The following BNC2 variants were observed in gnomAD, a reference collection of about 807,000 sequenced individuals.
BNC2 encodes the protein basonuclin zinc finger protein 2, also known as zinc finger protein basonuclin-2.
BNC2 carries 20 observed loss-of-function variants against 76.3 expected under a neutral mutation model. The observed-to-expected ratio is 0.26, with a 90% CI of 0.18 to 0.38. The LOEUF (loss-of-function observed/expected upper bound fraction) is 0.38. Among genes scored for constraint, BNC2 ranks in the 10% least tolerant of loss-of-function variants. The pLI is 1.00. For missense variants in BNC2, 1,382 were observed against 1,399.8 expected, an observed-to-expected ratio of 0.99 and a Z score of 0.20; for synonymous variants, 582 against 514.8, an observed-to-expected ratio of 1.13 and a Z score of -1.77.
rs767541239 is a variant in BNC2, at chr9:16,414,613, G to A, written c.*4376C>T. Reference sequence around the variant, plus strand: ...GTTTCTTGATGATAGCAGATGTAGCGTGTCTTATGACAGGTGAATTTTATT... The same window carrying A: ...GTTTCTTGATGATAGCAGATGTAGCATGTCTTATGACAGGTGAATTTTATT... On this transcript the variant is annotated 3_prime_UTR_variant, in exon 7 of 7. Coordinates refer to ENST00000380672, the MANE Select transcript of BNC2 (RefSeq NM_017637.6). 6 of 152,218 alleles carry A rather than the reference G, an allele frequency of 3.9e-5. No individual in the cohort carries two copies. The highest frequency in any genetic ancestry group is 2.6e-4 in the Admixed American group (4 of 15,280). The allele number at this position is 152,218 out of a possible 1,614,324, so 9.4% of individuals were successfully genotyped here.
intron 3 of BNC2, among the ~76,000 whole-genome samples, chr9:16,686,048 TA>T (rs927058870): frequency 3.3e-5 from 5 of 151,326 alleles, no homozygotes; most frequent in South Asian, 2.1e-4. Context: ...TGTAGGAATT[TA>T]AAAAAAAATA....
intron 1 of BNC2, among the ~76,000 whole-genome samples, chr9:16,842,064 C>T (rs1167503688): frequency 6.6e-6 from 1 of 152,176 alleles, no homozygotes; most frequent in Non-Finnish European, 1.5e-5. Context: ...CCTGCCTCGG[C>T]CTCCCAAAGT....
chr9:16,467,341 C>G (rs1308485474), intron 5 of BNC2, among the ~76,000 whole-genome samples: 2 of 148,040 alleles, frequency 1.4e-5, no homozygotes, highest in East Asian at 4.0e-4. Context: ...GGTATATACC[C>G]AAAGGACTAT....
chr9:16,717,003 A>G (rs370399177), intron 3 of BNC2, among the ~76,000 whole-genome samples: 2 of 152,230 alleles, frequency 1.3e-5, no homozygotes, highest in East Asian at 3.8e-4. Context: ...GTGAATAGAA[A>G]AAAAGAAAAT....
intron 3 of BNC2, among the ~76,000 whole-genome samples, chr9:16,662,584 A>T (rs1021245880): frequency 6.6e-6 from 1 of 152,128 alleles, no homozygotes; most frequent in Non-Finnish European, 1.5e-5. Flanking sequence ...AAACATACAA[A>T]AATTAGCTGA....
At position 16,836,210 on chromosome 9, in the gene BNC2, T is replaced by C. The variant is rs374439443; in HGVS notation, c.3+34436A>G. ...GGCATGGCTTCCTCCTCTTCATAATTTCCTTTCCTTTGTGGGCCAAGTCTA... is the reference window on the plus strand; with the variant it reads ...GGCATGGCTTCCTCCTCTTCATAATCTCCTTTCCTTTGTGGGCCAAGTCTA... On this transcript the variant is annotated intron_variant, in intron 1 of 6. Coordinates refer to ENST00000380672, the MANE Select transcript of BNC2 (RefSeq NM_017637.6). Among the ~76,000 whole-genome samples the C allele has an allele frequency of 1.4e-3, 206 of 152,256 alleles. 8 individuals carry two copies. The South Asian group carries it at 0.04, about 30-fold the overall frequency.
At chr9:16,681,238 G>C (rs960024710) in intron 3 of BNC2, among the ~76,000 whole-genome samples, 1 of 152,154 alleles carries the variant, frequency 6.6e-6, no homozygotes, top group Non-Finnish European at 1.5e-5. Flanking sequence ...ATTACTGAGA[G>C]GTAGATAAGT....
intron 3 of BNC2, among the ~76,000 whole-genome samples, chr9:16,672,300 G>T (rs1042139917): frequency 6.6e-6 from 1 of 152,032 alleles, no homozygotes; most frequent in African/African-American, 2.4e-5. Flanking sequence ...GATCCAGACG[G>T]TCCTGGCTAA....
At position 16,413,929 on chromosome 9, in the gene BNC2, T is replaced by C. The variant is rs1820528395; in HGVS notation, c.*5060A>G. 1 of 152,194 alleles carries C rather than the reference T, an allele frequency of 6.6e-6. No individual in the cohort carries two copies. Among genetic ancestry groups the C allele is most frequent in the South Asian group, 2.1e-4 (1 of 4,818 alleles). The allele number at this position is 152,194 out of a possible 1,614,324, so 9.4% of individuals were successfully genotyped here. A position where few individuals can be genotyped will look rare whatever the true frequency, so the allele number is the denominator to read the frequency against. On this transcript the variant is annotated 3_prime_UTR_variant, in exon 7 of 7. Coordinates refer to ENST00000380672, the MANE Select transcript of BNC2 (RefSeq NM_017637.6). ...TAATGATCAAGAAAGGAACGATCCA[T>C]GCTGGTGCCATTCGCACCTACTCCT...
At chr9:16,843,804 A>C (rs1345608010) in intron 1 of BNC2, among the ~76,000 whole-genome samples, 2 of 152,222 alleles carry the variant, frequency 1.3e-5, no homozygotes, top group African/African-American at 4.8e-5. Flanking sequence ...TCCCAATTGA[A>C]TAGTATTTGA....
At chr9:16,645,687 A>G (rs1009541301) in intron 3 of BNC2, among the ~76,000 whole-genome samples, 1 of 152,224 alleles carries the variant, frequency 6.6e-6, no homozygotes, top group Non-Finnish European at 1.5e-5. Flanking sequence ...AGTGGGAATA[A>G]TAACAGTATT....
chr9:16,564,694 G>A (rs1819120186), intron 4 of BNC2, among the ~76,000 whole-genome samples: 1 of 152,138 alleles, frequency 6.6e-6, no homozygotes, highest in African/African-American at 2.4e-5. Context: ...TTCTTTGTGT[G>A]TCATTTTCTC....
intron 1 of BNC2, among the ~76,000 whole-genome samples, chr9:16,773,461 A>G (rs1825881286): frequency 6.6e-6 from 1 of 150,444 alleles, no homozygotes; most frequent in Non-Finnish European, 1.5e-5. Flanking sequence ...TTCTGTTGAG[A>G]TTTTTCTCCT....
intron 4 of BNC2, among the ~76,000 whole-genome samples, chr9:16,565,393 T>C (rs1819138881): frequency 6.6e-6 from 1 of 152,216 alleles, no homozygotes; most frequent in Non-Finnish European, 1.5e-5. Context: ...ACTAGCACTT[T>C]ACTATTTGGT....
intron 1 of BNC2, among the ~76,000 whole-genome samples, chr9:16,814,059 G>T (rs1203615834): frequency 6.6e-6 from 1 of 152,192 alleles, no homozygotes; most frequent in Non-Finnish European, 1.5e-5. Context: ...CAGAAGAATG[G>T]TGACACGGAC....
intron 6 of BNC2, among the ~76,000 whole-genome samples, chr9:16,420,753 C>A (rs1160747543): frequency 6.6e-6 from 1 of 151,838 alleles, no homozygotes; most frequent in Non-Finnish European, 1.5e-5. Context: ...TCCATAGGGA[C>A]ATCATGATTT....
intron 5 of BNC2, among the ~76,000 whole-genome samples, chr9:16,523,374 G>C (rs904039888): frequency 6.6e-6 from 1 of 151,634 alleles, no homozygotes; most frequent in Non-Finnish European, 1.5e-5. Flanking sequence ...GGGAGGCTAA[G>C]GCAGGAGAAT....
chr9:16,815,631 CT>C (rs1818165042), intron 1 of BNC2, among the ~76,000 whole-genome samples: 2 of 152,314 alleles, frequency 1.3e-5, no homozygotes, highest in East Asian at 3.9e-4. Flanking sequence ...CCAACTAATA[CT>C]CTGGTTAACC....
At position 16,721,917 on chromosome 9, in the gene BNC2, T is replaced by C. The variant is rs573028456; in HGVS notation, c.330+5880A>G. ...TTTCTTTTCCTCTTTCCTTTTGATA[T>C]ATGTGCTAATCTAGAGTGCCAAGTT... On this transcript the variant is annotated intron_variant, in intron 3 of 6. Coordinates refer to ENST00000380672, the MANE Select transcript of BNC2 (RefSeq NM_017637.6). Among the ~76,000 whole-genome samples, 30 of 146,962 alleles carry C rather than the reference T, an allele frequency of 2.0e-4. No individual in the cohort carries two copies. In the East Asian group the frequency reaches 6.2e-3, roughly 30 times the overall value.
Sources: gnomAD v4.1 joint callset for allele counts (sites outside exome capture counted in the v4.1 genomes callset) on GRCh38, gnomAD v4.1.1 for gene constraint, MANE v1.5 for transcripts, NCBI Gene and HGNC (gene_info 2026-07-23, HGNC 2026-07-21) for gene names.